CNTN5: variants seen among roughly 807,000 people sequenced by gnomAD.
The protein encoded by CNTN5 is contactin 5, also known as contactin-5.
A neutral mutation model predicts 129.1 loss-of-function variants in CNTN5; 77 were observed. That is an observed-to-expected ratio of 0.60 (90% CI 0.50 to 0.72). The LOEUF is 0.72. Ranked by LOEUF, CNTN5 falls within the 30% of genes least tolerant of loss-of-function variation. CNTN5 has a pLI of 0.00. For missense variants in CNTN5, 1,478 were observed against 1,328.8 expected (o/e 1.11, Z -1.75); for synonymous variants, 509 against 465.6 (o/e 1.09, Z -1.20).
intron 2 of CNTN5, among the ~76,000 whole-genome samples, chr11:99,515,035 AG>A (rs1316593953): frequency 1.3e-5 from 2 of 152,088 alleles, no homozygotes; most frequent in Non-Finnish European, 2.9e-5. Context: ...ATATAGCTTC[AG>A]GCATAAAATG....
At position 100,194,603 on chromosome 11, in the gene CNTN5, G is replaced by GA. The variant is rs774548959; in HGVS notation, c.1884+954dup. The stretch of plus-strand genomic sequence containing the variant: ...TATTTTAAAGGTTATGGGATACAAG[G>GA]AAAAAAAAAAAAAAGCCCTAAATCC... On this transcript the variant is annotated intron_variant, in intron 15 of 24. Coordinates refer to ENST00000524871, the MANE Select transcript of CNTN5 (RefSeq NM_014361.4). Among the ~76,000 whole-genome samples the GA allele has an allele frequency of 7.8e-3, 969 of 124,974 alleles. 7 individuals are homozygous for GA. Among genetic ancestry groups the GA allele is most frequent in the African/African-American group, 0.016 (550 of 34,606 alleles). 82.0% of individuals were successfully genotyped at this position (124,974 alleles called of 152,430 possible).
intron 3 of CNTN5, among the ~76,000 whole-genome samples, chr11:99,800,933 A>G (rs1283253377): frequency 6.6e-6 from 1 of 152,114 alleles, no homozygotes; most frequent in Non-Finnish European, 1.5e-5. Context: ...TTCAAGATTA[A>G]TATTGATATG....
intron 3 of CNTN5, among the ~76,000 whole-genome samples, chr11:99,682,014 C>A (rs1379601833): frequency 6.6e-6 from 1 of 151,874 alleles, no homozygotes; most frequent in Non-Finnish European, 1.5e-5. Flanking sequence ...GTAAGCCAAG[C>A]ATTTTAGGTC....
At chr11:99,526,084 T>G (rs969273996) in intron 2 of CNTN5, among the ~76,000 whole-genome samples, 1 of 152,246 alleles carries the variant, frequency 6.6e-6, no homozygotes, top group African/African-American at 2.4e-5. Context: ...ACAGATACTT[T>G]CAGCTCCTTT....
intron 2 of CNTN5, among the ~76,000 whole-genome samples, chr11:99,331,175 C>T (rs1865985016): frequency 6.6e-6 from 1 of 151,998 alleles, no homozygotes; most frequent in African/African-American, 2.4e-5. Context: ...AGGGTAGAGC[C>T]TTGCAGTAAC....
At position 99,665,347 on chromosome 11, in the gene CNTN5, C is replaced by G. The variant is rs565508706; in HGVS notation, c.55+109078C>G. 2.6e-5 allele frequency among the ~76,000 whole-genome samples: 4 copies of G among 151,700 alleles called. No individual in the cohort carries two copies. The South Asian group carries it at 8.3e-4, about 31-fold the overall frequency. ...CTGGGCATTTTTGAAGAGTAGTAAT[C>G]GTGGAGGAGGAGAAACGTAACCAGA... On this transcript the variant is annotated intron_variant, in intron 3 of 24. Coordinates refer to ENST00000524871, the MANE Select transcript of CNTN5 (RefSeq NM_014361.4).
chr11:99,757,899 G>A (rs188650564), intron 3 of CNTN5, among the ~76,000 whole-genome samples: 29 of 152,008 alleles, frequency 1.9e-4, no homozygotes, highest in African/African-American at 5.5e-4. Context: ...AGTATCTGCC[G>A]CACAGAAGGT....
chr11:100,323,555 C>G (rs1484890688), intron 21 of CNTN5, among the ~76,000 whole-genome samples: 1 of 152,114 alleles, frequency 6.6e-6, no homozygotes, highest in Non-Finnish European at 1.5e-5. Context: ...AATCATTTCA[C>G]TCATCCACAT....
chr11:99,168,042 T>A (rs561811227), intron 1 of CNTN5, among the ~76,000 whole-genome samples: 1 of 151,854 alleles, frequency 6.6e-6, no homozygotes, highest in South Asian at 2.1e-4. Flanking sequence ...CTCAAAGGAT[T>A]CCCCCCACTG....
At chr11:99,361,386 C>T (rs1321762791) in intron 2 of CNTN5, among the ~76,000 whole-genome samples, 1 of 152,086 alleles carries the variant, frequency 6.6e-6, no homozygotes, top group Non-Finnish European at 1.5e-5. Context: ...AGTTAGACAC[C>T]TAACATAGTA....
chr11:99,238,233 C>T (rs1359900137), intron 1 of CNTN5, among the ~76,000 whole-genome samples: 1 of 152,050 alleles, frequency 6.6e-6, no homozygotes, highest in Non-Finnish European at 1.5e-5. Context: ...TCCAGAATTG[C>T]ATCTAGAAGC....
chr11:99,768,223 GTAGA>G (rs1196433484), intron 3 of CNTN5, among the ~76,000 whole-genome samples: 1 of 152,000 alleles, frequency 6.6e-6, no homozygotes, highest in African/African-American at 2.4e-5. Context: ...TTATAGATAG[GTAGA>G]TTATATTAAT....
intron 17 of CNTN5, among the ~76,000 whole-genome samples, chr11:100,262,761 G>C (rs754726096): frequency 2.6e-5 from 4 of 152,142 alleles, no homozygotes; most frequent in Non-Finnish European, 5.9e-5. Flanking sequence ...GACACAGGGA[G>C]GGGAGCATTA....
intron 3 of CNTN5, among the ~76,000 whole-genome samples, chr11:99,731,711 T>C (rs1943540623): frequency 6.6e-6 from 1 of 152,202 alleles, no homozygotes; most frequent in South Asian, 2.1e-4. Flanking sequence ...TTAGGTGAAG[T>C]CCTTCTTTCT....
At chr11:99,640,592 A>G (rs564926604) in intron 3 of CNTN5, among the ~76,000 whole-genome samples, 2 of 152,298 alleles carry the variant, frequency 1.3e-5, no homozygotes, top group South Asian at 4.1e-4. Context: ...AATCATGTCA[A>G]TTATAATACT....
intron 8 of CNTN5, among the ~76,000 whole-genome samples, chr11:99,996,339 C>T (rs546120384): frequency 6.6e-6 from 1 of 152,216 alleles, no homozygotes; most frequent in African/African-American, 2.4e-5. Context: ...AATGCAGCTT[C>T]CCTATTCAAA....
intron 9 of CNTN5, among the ~76,000 whole-genome samples, chr11:100,053,765 AT>A (rs1180891900): frequency 7.9e-5 from 12 of 151,828 alleles, no homozygotes; most frequent in African/African-American, 2.4e-4. Flanking sequence ...AAATACTTGT[AT>A]AAAGTTTTAT....
intron 3 of CNTN5, among the ~76,000 whole-genome samples, chr11:99,727,625 GA>G (rs1277342904): frequency 6.6e-6 from 1 of 151,526 alleles, no homozygotes; most frequent in African/African-American, 2.4e-5. Flanking sequence ...TTAAGGGAAG[GA>G]AATTACACAT....
intron 13 of CNTN5, among the ~76,000 whole-genome samples, chr11:100,096,575 T>A (rs929070004): frequency 3.3e-5 from 5 of 152,068 alleles, no homozygotes; most frequent in Admixed American, 3.3e-4. Flanking sequence ...ATAAACCCCT[T>A]GACTGCCTAG....
Sources: gnomAD v4.1 joint callset for allele counts (sites outside exome capture counted in the v4.1 genomes callset) on GRCh38, gnomAD v4.1.1 for gene constraint, MANE v1.5 for transcripts, NCBI Gene and HGNC (gene_info 2026-07-23, HGNC 2026-07-21) for gene names.